Variants in GDNF observed in about 807,000 individuals in gnomAD.
GDNF encodes the protein glial cell derived neurotrophic factor.
A neutral mutation model predicts 13.7 loss-of-function variants in GDNF; 5 were observed. The ratio of observed to expected loss-of-function variants is 0.36; its 90% CI spans 0.19 to 0.77. The LOEUF (loss-of-function observed/expected upper bound fraction) is 0.77, where lower values mean the gene tolerates loss of function less well. Among genes scored for constraint, GDNF ranks in the 30% least tolerant of loss-of-function variants. The pLI is 0.51. For synonymous variants in GDNF, 122 were observed against 112.5 expected (o/e 1.08, Z -0.53); for missense variants, 246 against 274.3 (o/e 0.90, Z 0.73).
chr5:37,832,323 TGTC>T lies in GDNF; in HGVS notation c.151+2320_151+2322del, dbSNP rs1365050715. 3.3e-5 allele frequency among the ~76,000 whole-genome samples: 5 copies of T among 152,242 alleles called. No individual in the cohort carries two copies. The East Asian group carries it at 9.6e-4, about 29-fold the overall frequency. On this transcript the variant is annotated intron_variant, in intron 2 of 2. Transcript: ENST00000326524. ...CACCATGTACAGTGCAGGATATAAA[TGTC>T]AGCACTGTGACAGAGGCGTGTTGAC...
At chr5:37,827,839 G>A (rs1750382924) in intron 2 of GDNF, among the ~76,000 whole-genome samples, 1 of 152,176 alleles carries the variant, frequency 6.6e-6, no homozygotes, top group African/African-American at 2.4e-5. Flanking sequence ...CATATATACA[G>A]TTCCTGAAAG....
At chr5:37,835,672 TTTAA>T (rs1750679358) in intron 1 of GDNF, 1 of 1,550,024 alleles carries the variant, frequency 6.5e-7, no homozygotes, top group Non-Finnish European at 8.7e-7. Flanking sequence ...TCTTGAAAGT[TTTAA>T]TCCTCCGTGG....
rs1023461423 is a variant in GDNF at position 37,838,590 on chromosome 5, A to G, written c.-27+917T>C. On this transcript the variant is annotated intron_variant, in intron 1 of 2. Transcript: ENST00000326524. The surrounding 1 kb of genome is among the most constrained non-coding windows in gnomAD (Gnocchi z 4.1). The stretch of plus-strand genomic sequence containing the variant: ...GCGCGCACATGGGTCCTGGCGGCGG[A>G]TTCTACCAAAGCCGAAACTAGCTGG... Among the ~76,000 whole-genome samples the G allele has an allele frequency of 6.6e-6, 1 of 152,142 alleles. No individual in the cohort carries two copies. The highest frequency in any genetic ancestry group is 2.4e-5 in the African/African-American group (1 of 41,436).
chr5:37,820,737 A>T (rs1662652909), intron 2 of GDNF, among the ~76,000 whole-genome samples: 1 of 152,170 alleles, frequency 6.6e-6, no homozygotes, highest in South Asian at 2.1e-4. Context: ...TGAACCTAAA[A>T]CTGCTCTAAA....
Position 37,837,604 on chromosome 5 carries a change from GC to G in GDNF, c.-27+1902del, listed in dbSNP as rs2111734663. On this transcript the variant is annotated intron_variant, in intron 1 of 2. Coordinates refer to ENST00000326524, the MANE Select transcript of GDNF (RefSeq NM_000514.4). This position sits in a 1 kb window ranked among gnomAD's most constrained non-coding sequence, Gnocchi z 6.5. ...GTCTGAGCCGTGTCGCGCCCACGCG[GC>G]CCGGAGGCTGTGTTATCATTTTAGT... is the stretch of plus-strand genomic sequence containing the variant. 6.6e-6 allele frequency among the ~76,000 whole-genome samples: 1 copy of G among 152,322 alleles called. No homozygotes were observed. The highest frequency in any genetic ancestry group is 1.9e-4 in the East Asian group (1 of 5,176).
In GDNF at chr5:37,815,536, T is replaced by A; in HGVS notation, c.*115A>T. On this transcript the variant is annotated 3_prime_UTR_variant, in exon 3 of 3. Coordinates refer to ENST00000326524, the MANE Select transcript of GDNF (RefSeq NM_000514.4). The surrounding 1 kb of genome is among the most constrained non-coding windows in gnomAD (Gnocchi z 5.0). The stretch of plus-strand genomic sequence containing the variant: ...CTCCTCCTCCTCTTCTTCTTCCTCC[T>A]CCTCCGCCTCCTTGGTCCTCATCTT... 1.1e-6 allele frequency: 1 copy of A among 948,186 alleles called. No individual in the cohort carries two copies. The highest frequency in any genetic ancestry group is 1.7e-6 in the Non-Finnish European group (1 of 588,364). 58.7% of individuals were successfully genotyped at this position (948,186 alleles called of 1,614,324 possible).
chr5:37,837,103 G>T lies in GDNF; in HGVS notation c.-26-2281C>A, dbSNP rs780330643. ...CTTTCGTTCTCGGTATTTGCTGGGC[G>T]GGGGAAAAGGGGGGAGGTTGGGGGA... On this transcript the variant is annotated intron_variant, in intron 1 of 2. Coordinates refer to ENST00000326524, the MANE Select transcript of GDNF (RefSeq NM_000514.4). This position sits in a 1 kb window ranked among gnomAD's most constrained non-coding sequence, Gnocchi z 6.5. Among the ~76,000 whole-genome samples, 11 of 152,296 alleles carry T rather than the reference G, an allele frequency of 7.2e-5. No individual in the cohort carries two copies. Among genetic ancestry groups the T allele is most frequent in the Non-Finnish European group, 1.5e-4 (10 of 68,016 alleles).
intron 2 of GDNF, among the ~76,000 whole-genome samples, chr5:37,825,607 G>A (rs1465346885): frequency 6.6e-6 from 1 of 152,174 alleles, no homozygotes; most frequent in African/African-American, 2.4e-5. Context: ...AGCCACTAGG[G>A]CAAATCATCC....
At chr5:37,816,697 C>T (rs533288731) in intron 2 of GDNF, among the ~76,000 whole-genome samples, 12 of 152,196 alleles carry the variant, frequency 7.9e-5, no homozygotes, top group Non-Finnish European at 7.4e-5. Context: ...TGAGAGACAC[C>T]GTCTTAGAGG....
At chr5:37,823,739 C>T (rs1341135542) in intron 2 of GDNF, among the ~76,000 whole-genome samples, 7 of 152,174 alleles carry the variant, frequency 4.6e-5, no homozygotes, top group Non-Finnish European at 1.0e-4. Context: ...TGATCAGCTG[C>T]GTGACCTTGG....
chr5:37,830,005 G>A (rs913189545), intron 2 of GDNF, among the ~76,000 whole-genome samples: 10 of 152,186 alleles, frequency 6.6e-5, no homozygotes, highest in African/African-American at 2.2e-4. Context: ...CATTCATACA[G>A]TCCCTAAGCG....
intron 2 of GDNF, among the ~76,000 whole-genome samples, chr5:37,825,774 G>C (rs565776947): frequency 1.3e-5 from 2 of 152,238 alleles, no homozygotes; most frequent in Admixed American, 1.3e-4. Flanking sequence ...CTGAGCAGTA[G>C]GTAAAAGGCA....
In GDNF at chr5:37,814,499, AT is replaced by A. The variant is rs1749840088; in HGVS notation, c.*1151del. 6.6e-6 allele frequency: 1 copy of A among 152,174 alleles called. No individual in the cohort carries two copies. Among genetic ancestry groups the A allele is most frequent in the Non-Finnish European group, 1.5e-5 (1 of 68,036 alleles). 9.4% of individuals were successfully genotyped at this position (152,174 alleles called of 1,614,324 possible). A position where few individuals can be genotyped will look rare whatever the true frequency, so the allele number is the denominator to read the frequency against. On this transcript the variant is annotated 3_prime_UTR_variant, in exon 3 of 3. Transcript: ENST00000326524. ...TTTTCTTAAAAAGGTAAAGTAAGTG[AT>A]TTTTGCCTGGCAAAAAACTTTTTAA...
chr5:37,820,429 T>C (rs1750091269), intron 2 of GDNF, among the ~76,000 whole-genome samples: 1 of 152,224 alleles, frequency 6.6e-6, no homozygotes, highest in African/African-American at 2.4e-5. Context: ...TTTGACCACA[T>C]GGCTTTGTCA....
At position 37,826,608 on chromosome 5, in the gene GDNF, T is replaced by A. The variant is rs567222257; in HGVS notation, c.151+8038A>T. ...CAGACCCCAGAGCCCATGAGGGTTA[T>A]CTTTGTGTCCACTATGGCTTAGAGC... is the stretch of plus-strand genomic sequence containing the variant. On this transcript the variant is annotated intron_variant, in intron 2 of 2. Transcript: ENST00000326524. Among the ~76,000 whole-genome samples the A allele has an allele frequency of 7.1e-4, 108 of 152,328 alleles. 1 individual carries two copies. The highest frequency in any genetic ancestry group is 2.5e-3 in the African/African-American group (105 of 41,576).
chr5:37,835,900 G>A (rs891491568), intron 1 of GDNF: 2 of 560,058 alleles, frequency 3.6e-6, no homozygotes, highest in Non-Finnish European at 6.4e-6. Context: ...TTCAGCCCGA[G>A]GTGGGCTCTG....
rs1264791940 is a variant in GDNF, at chr5:37,839,572, G to A, written c.-92C>T. 1 of 152,380 alleles carries A rather than the reference G, an allele frequency of 6.6e-6. No homozygotes were observed. The highest frequency in any genetic ancestry group is 1.9e-4 in the East Asian group (1 of 5,194). 9.4% of individuals were successfully genotyped at this position (152,380 alleles called of 1,614,324 possible). A position where few individuals can be genotyped will look rare whatever the true frequency, so the allele number is the denominator to read the frequency against. ...TCCAGGTGCCCCAAGTCCCAGCCAG[G>A]AGACCCATCCGGGCTGATGGCTGGA... On this transcript the variant is annotated 5_prime_UTR_variant, in exon 1 of 3. Coordinates refer to ENST00000326524, the MANE Select transcript of GDNF (RefSeq NM_000514.4). This position sits in a 1 kb window ranked among gnomAD's most constrained non-coding sequence, Gnocchi z 5.5.
At position 37,815,333 on chromosome 5, in the gene GDNF, C is replaced by G. The variant is rs1581573905; in HGVS notation, c.*318G>C. On this transcript the variant is annotated 3_prime_UTR_variant, in exon 3 of 3. Coordinates refer to ENST00000326524, the MANE Select transcript of GDNF (RefSeq NM_000514.4). This position sits in a 1 kb window ranked among gnomAD's most constrained non-coding sequence, Gnocchi z 5.0. ...AATCAGTGATGGTGGACTGTATCAG[C>G]TGAAATGGTGGCAATAGCCAACCAG... 1 of 439,848 alleles carries G rather than the reference C, an allele frequency of 2.3e-6. No homozygotes were observed. Among genetic ancestry groups the G allele is most frequent in the Non-Finnish European group, 4.2e-6 (1 of 237,750 alleles). The allele number at this position is 439,848 out of a possible 1,614,324, so 27.2% of individuals were successfully genotyped here.
At position 37,834,668 on chromosome 5, in the gene GDNF, C is replaced by T. The variant is rs975689294; in HGVS notation, c.129G>A (p.Ala43=). The change falls in exon 2 of 3, where the codon GCG becomes GCA. Residue 43 remains alanine (A), a synonymous_variant. Transcript: ENST00000326524. Reference sequence around the variant, plus strand: ...TACAGTCACTGCTCAGCGCGAAGGGCGCGCGGCGGCGGCCGAGGGAGCGGT... The same window carrying T: ...TACAGTCACTGCTCAGCGCGAAGGGTGCGCGGCGGCGGCCGAGGGAGCGGT... The part of the protein sequence containing the change: ...AEDRSLGRRR[A]PFALSSDSNM... 2 of 1,603,082 alleles carry T rather than the reference C, an allele frequency of 1.2e-6. No individual in the cohort carries two copies. The highest frequency in any genetic ancestry group is 2.7e-5 in the African/African-American group (2 of 74,452).
Sources: gnomAD v4.1 joint callset for allele counts (sites outside exome capture counted in the v4.1 genomes callset) on GRCh38, gnomAD v4.1.1 for gene constraint, Gnocchi (gnomAD v3.1) non-coding constraint, MANE v1.5 for transcripts, NCBI Gene and HGNC (gene_info 2026-07-23, HGNC 2026-07-21) for gene names.